The following NDE1 variants were observed in gnomAD, a reference collection of about 807,000 sequenced individuals.
The protein encoded by NDE1 is nuclear distribution protein nudE homolog 1.
A neutral mutation model predicts 43.4 loss-of-function variants in NDE1; 28 were observed. The observed-to-expected ratio is 0.65, with a 90% confidence interval of 0.48 to 0.89. The LOEUF is 0.89. Among genes scored for constraint, NDE1 ranks in the 40% least tolerant of loss-of-function variants. The probability of loss-of-function intolerance (pLI) is 0.00; values close to 1 mark genes in which losing one functional copy is unlikely to be tolerated. For missense variants in NDE1, 441 were observed against 434.1 expected (o/e 1.02, Z -0.14); for synonymous variants, 184 against 172.0 (o/e 1.07, Z -0.55).
chr16:15,696,668 C>T, intron 7 of NDE1, 41 bp from the exon 8 acceptor site: 1 of 1,613,982 alleles, frequency 6.2e-7, no homozygotes, highest in Non-Finnish European at 8.5e-7. Flanking sequence ...CAGAATAGTC[C>T]TTGCCTATAA....
At chr16:15,650,931 C>G (rs1216397086) in intron 1 of NDE1, among the ~76,000 whole-genome samples, 1 of 152,182 alleles carries the variant, frequency 6.6e-6, no homozygotes. Flanking sequence ...GCTTTGCTCC[C>G]GTCTCTGCCG....
intron 4 of NDE1, among the ~76,000 whole-genome samples, chr16:15,681,828 C>G (rs771014331): frequency 1.3e-5 from 2 of 152,150 alleles, no homozygotes; most frequent in Non-Finnish European, 2.9e-5. Context: ...ATTCTCCTGC[C>G]TCAGCCTCCC....
intron 8 of NDE1, among the ~76,000 whole-genome samples, chr16:15,716,155 C>G (rs749627789): frequency 1.3e-5 from 2 of 152,006 alleles, no homozygotes; most frequent in Non-Finnish European, 2.9e-5. Flanking sequence ...TCTCGAACTC[C>G]TGGACTCAAG....
intron 8 of NDE1, among the ~76,000 whole-genome samples, chr16:15,723,270 G>A (rs2040578603): frequency 6.6e-6 from 1 of 152,136 alleles, no homozygotes; most frequent in South Asian, 2.1e-4. Context: ...TTGAGGTGTG[G>A]AAGGGGAAAT....
At position 15,724,635 on chromosome 16, in the gene NDE1, C is replaced by T. The variant is rs193005461; in HGVS notation, c.*384C>T. On this transcript the variant is annotated 3_prime_UTR_variant, in exon 9 of 9. Coordinates refer to ENST00000396354, the MANE Select transcript of NDE1 (RefSeq NM_017668.3). ...AGGACCCATGAAGGAAGCAAGGACA[C>T]GGGGCAGGCACCTGGATGTTGAGAG... 2,262 of 1,613,748 alleles carry T rather than the reference C, an allele frequency of 1.4e-3. 29 individuals carry two copies. The African/African-American group carries it at 0.027, about 19-fold the overall frequency.
chr16:15,692,974 C>A (rs935780819), intron 6 of NDE1, among the ~76,000 whole-genome samples: 1 of 149,936 alleles, frequency 6.7e-6, no homozygotes, highest in Non-Finnish European at 1.5e-5. Flanking sequence ...TCAAGTGGGT[C>A]TTGGGTGGGG....
At chr16:15,691,691 A>C (rs2038763480) in intron 6 of NDE1, among the ~76,000 whole-genome samples, 1 of 144,922 alleles carries the variant, frequency 6.9e-6, no homozygotes, top group Non-Finnish European at 1.5e-5. Flanking sequence ...CCCAGGCTGG[A>C]GTGTAGTGAC....
In NDE1 at chr16:15,721,032, G is replaced by A. The variant is rs748529935; in HGVS notation, c.948-3159G>A. The A allele has an allele frequency of 3.1e-6, 5 of 1,613,852 alleles. No individual in the cohort carries two copies. In the Admixed American group the frequency reaches 8.3e-5, roughly 27 times the overall value. ...CATCTGGGTCTCCAGGGCCCGCTTG[G>A]ACTTCTCCAGCTCATGGACCTGCCG... On this transcript the variant is annotated intron_variant, in intron 8 of 8. Coordinates refer to ENST00000396354, the MANE Select transcript of NDE1 (RefSeq NM_017668.3).
Position 15,725,879 on chromosome 16 carries a change from A to G in NDE1, c.*1628A>G. 1 of 393,606 alleles carries G rather than the reference A, an allele frequency of 2.5e-6. No homozygotes were observed. The highest frequency in any genetic ancestry group is 4.5e-6 in the Non-Finnish European group (1 of 223,408). 24.4% of individuals were successfully genotyped at this position (393,606 alleles called of 1,614,324 possible). On this transcript the variant is annotated 3_prime_UTR_variant, in exon 9 of 9. Coordinates refer to ENST00000396354, the MANE Select transcript of NDE1 (RefSeq NM_017668.3). ...CTTCACATTGCCCAGAGTAAGGATC[A>G]ACATACATGTAATAGGTTCTCAAAA...
chr16:15,699,447 A>G (rs1349476665), intron 8 of NDE1: 10 of 800,108 alleles, frequency 1.2e-5, no homozygotes, highest in Non-Finnish European at 1.6e-5. Flanking sequence ...CATTTTTCAT[A>G]GAGACAGGGT....
Position 15,668,582 on chromosome 16 carries a change from A to G in NDE1, c.237+1143A>G, listed in dbSNP as rs190646178. On this transcript the variant is annotated intron_variant, in intron 3 of 8. Coordinates refer to ENST00000396354, the MANE Select transcript of NDE1 (RefSeq NM_017668.3). Reference sequence around the variant, plus strand: ...CTGGCCAGGGAGACATTTTTAGGGTATGGAGGTGTTGCTAGAGTAATATCA... The same window carrying G: ...CTGGCCAGGGAGACATTTTTAGGGTGTGGAGGTGTTGCTAGAGTAATATCA... Among the ~76,000 whole-genome samples the G allele has an allele frequency of 5.9e-5, 9 of 152,284 alleles. No individual in the cohort carries two copies. The East Asian group carries it at 1.7e-3, about 30-fold the overall frequency.
intron 3 of NDE1, among the ~76,000 whole-genome samples, chr16:15,677,489 G>C (rs936193480): frequency 6.6e-6 from 1 of 152,086 alleles, no homozygotes; most frequent in Non-Finnish European, 1.5e-5. Context: ...GGGAGGCTGA[G>C]GCAGGAGCAT....
At chr16:15,663,737 C>A (rs1478229545) in intron 1 of NDE1, among the ~76,000 whole-genome samples, 1 of 152,106 alleles carries the variant, frequency 6.6e-6, no homozygotes, top group Non-Finnish European at 1.5e-5. Context: ...ATCCTGTGCA[C>A]ATTTCTGTGG....
upstream of NDE1, among the ~76,000 whole-genome samples, chr16:15,645,500 T>G (rs983617445): frequency 6.6e-6 from 1 of 152,200 alleles, no homozygotes; most frequent in Non-Finnish European, 1.5e-5. Context: ...ACAGTCGTAT[T>G]AAGTGGAAGG....
chr16:15,694,102 A>T, intron 6 of NDE1, 63 bp from the exon 7 acceptor site: 1 of 1,585,956 alleles, frequency 6.3e-7, no homozygotes, highest in South Asian at 1.1e-5. Context: ...GGATCTAGCG[A>T]TGTTAACGCA....
chr16:15,719,070 G>C (rs545562248), intron 8 of NDE1: 3 of 756,560 alleles, frequency 4.0e-6, no homozygotes, highest in Admixed American at 4.0e-5. Flanking sequence ...GGAGGTTGCA[G>C]TGAGCCAAGA....
chr16:15,719,617 T>G, intron 8 of NDE1: 1 of 1,614,172 alleles, frequency 6.2e-7, no homozygotes, highest in Non-Finnish European at 8.5e-7. Flanking sequence ...GCTTCCAAGC[T>G]CTTGGCTTTC....
chr16:15,675,061 C>T (rs1460729875), intron 3 of NDE1, among the ~76,000 whole-genome samples: 1 of 152,036 alleles, frequency 6.6e-6, no homozygotes, highest in African/African-American at 2.4e-5. Context: ...CTGGGGGCTT[C>T]AGACAATGAT....
intron 8 of NDE1, among the ~76,000 whole-genome samples, chr16:15,698,012 T>G (rs561903941): frequency 6.6e-6 from 1 of 151,856 alleles, no homozygotes; most frequent in Non-Finnish European, 1.5e-5. Flanking sequence ...TTCACTGTGT[T>G]AGGATGGTCT....
Sources: gnomAD v4.1 joint callset for allele counts (sites outside exome capture counted in the v4.1 genomes callset) on GRCh38, gnomAD v4.1.1 for gene constraint, MANE v1.5 for transcripts, NCBI Gene and HGNC (gene_info 2026-07-23, HGNC 2026-07-21) for gene names.